The following FKBP6 variants were observed in gnomAD, a reference collection of about 807,000 sequenced individuals.
FKBP6 encodes inactive peptidyl-prolyl cis-trans isomerase FKBP6.
In FKBP6, 29 loss-of-function variants were observed where a neutral mutation model predicts 41.7. The observed-to-expected ratio is 0.70, with a 90% CI of 0.52 to 0.95. The LOEUF is 0.95. Ranked by LOEUF, FKBP6 falls within the 40% of genes least tolerant of loss-of-function variation. The pLI is 0.00. For missense variants in FKBP6, 338 were observed against 408.7 expected (o/e 0.83, Z 1.49); for synonymous variants, 130 against 165.1 (o/e 0.79, Z 1.63).
chr7:73,335,912 C>G (rs1164955730), intron 5 of FKBP6, among the ~76,000 whole-genome samples: 1 of 152,186 alleles, frequency 6.6e-6, no homozygotes, highest in African/African-American at 2.4e-5. Flanking sequence ...AGAGGTTTTG[C>G]ACGTCTTTTC....
intron 5 of FKBP6, chr7:73,337,034 G>A: frequency 5.8e-6 from 2 of 343,506 alleles, no homozygotes; most frequent in Non-Finnish European, 1.1e-5. Flanking sequence ...GATTACTCAT[G>A]GGAATGAGCA....
intron 7 of FKBP6, 24 bp downstream of exon 7, chr7:73,341,406 G>T: frequency 7.4e-7 from 1 of 1,345,184 alleles, no homozygotes. Context: ...GCAGGAGCAT[G>T]AAGAGAGATG....
At chr7:73,332,099 C>T (rs991733320) in intron 5 of FKBP6, among the ~76,000 whole-genome samples, 1 of 152,040 alleles carries the variant, frequency 6.6e-6, no homozygotes, top group Non-Finnish European at 1.5e-5. Flanking sequence ...GTCCTGACCT[C>T]GTGATCTGCC....
rs781809940 is a variant in FKBP6, at chr7:73,342,801, C to T, written c.894-6C>T. ...TCCTCTAACAAGTGTGTATTTCCCTCTCCAGCTGTTACAGGGACTATGTGG... is the reference window on the plus strand; with the variant it reads ...TCCTCTAACAAGTGTGTATTTCCCTTTCCAGCTGTTACAGGGACTATGTGG... On this transcript the variant is annotated splice_polypyrimidine_tract_variant and splice_region_variant and intron_variant, in intron 7 of 8. Transcript: ENST00000252037. The T allele has an allele frequency of 3.7e-6, 6 of 1,605,052 alleles. No individual in the cohort carries two copies. The highest frequency in any genetic ancestry group is 3.4e-6 in the Non-Finnish European group (4 of 1,171,658).
chr7:73,342,177 T>C (rs1429991782), intron 7 of FKBP6, among the ~76,000 whole-genome samples: 2 of 152,290 alleles, frequency 1.3e-5, no homozygotes, highest in East Asian at 1.9e-4. Flanking sequence ...TTTTTCTCAT[T>C]ATAGAAGTTT....
intron 8 of FKBP6, among the ~76,000 whole-genome samples, chr7:73,353,736 T>C (rs948820001): frequency 6.6e-5 from 10 of 151,374 alleles, no homozygotes; most frequent in African/African-American, 2.4e-4. Context: ...CTTTTTTTCT[T>C]CTTTTTTTTT....
chr7:73,355,268 T>C (rs1554551758), intron 8 of FKBP6, among the ~76,000 whole-genome samples: 1 of 152,248 alleles, frequency 6.6e-6, no homozygotes, highest in African/African-American at 2.4e-5. Flanking sequence ...TCTTTGTCGA[T>C]CTCCGGACTT....
chr7:73,355,579 CTTTCT>C (rs1805607336), intron 8 of FKBP6, among the ~76,000 whole-genome samples: 1 of 151,654 alleles, frequency 6.6e-6, no homozygotes, highest in Admixed American at 6.6e-5. Context: ...TAGATCAAAA[CTTTCT>C]TTTTTCACTT....
At chr7:73,353,074 TTCTCCCTCTCTCCCTTTCTGTC>T (rs1406107123) in intron 8 of FKBP6, among the ~76,000 whole-genome samples, 2 of 151,990 alleles carry the variant, frequency 1.3e-5, no homozygotes, top group African/African-American at 4.8e-5. Context: ...CTTCCAATAT[TTCTCCCTCTCTCCCTTTCTGTC>T]TCTCCCTCTC....
At chr7:73,337,297 T>C (rs1439884149) in intron 5 of FKBP6, among the ~76,000 whole-genome samples, 1 of 150,932 alleles carries the variant, frequency 6.6e-6, no homozygotes, top group Admixed American at 6.6e-5. Context: ...TTTTCTCCAG[T>C]TCTTCCATGT....
At chr7:73,354,873 G>A (rs574753406) in intron 8 of FKBP6, among the ~76,000 whole-genome samples, 46 of 152,284 alleles carry the variant, frequency 3.0e-4, no homozygotes, top group Non-Finnish European at 5.3e-4. Flanking sequence ...TGAGGCTGGG[G>A]CTGCGAGGCA....
rs1447156517 is a variant in FKBP6 at position 73,330,492 on chromosome 7, A to C, written c.468+140A>C. On this transcript the variant is annotated intron_variant, in intron 4 of 8. Transcript: ENST00000252037. Reference sequence around the variant, plus strand: ...CGCGGCTCCTGTGCGGTGGCGGCGGAGTTCCTCTGCTTCCTAGTCTGTGTT... The same window carrying C: ...CGCGGCTCCTGTGCGGTGGCGGCGGCGTTCCTCTGCTTCCTAGTCTGTGTT... 13 of 704,010 alleles carry C rather than the reference A, an allele frequency of 1.8e-5. No individual in the cohort carries two copies. In the African/African-American group the frequency reaches 2.1e-4, roughly 11 times the overall value. 43.6% of individuals were successfully genotyped at this position (704,010 alleles called of 1,614,324 possible).
chr7:73,343,434 G>A (rs1805251835), intron 8 of FKBP6, among the ~76,000 whole-genome samples: 1 of 152,088 alleles, frequency 6.6e-6, no homozygotes, highest in Non-Finnish European at 1.5e-5. Context: ...GATAGAGCTG[G>A]GCTTTGACGT....
chr7:73,344,293 C>T (rs1456727612), intron 8 of FKBP6, among the ~76,000 whole-genome samples: 5 of 152,224 alleles, frequency 3.3e-5, no homozygotes, highest in East Asian at 1.9e-4. Flanking sequence ...CAGTTTTCCT[C>T]GCCATCATGT....
Position 73,347,094 on chromosome 7 carries a change from C to T in FKBP6, c.*2+4195C>T, listed in dbSNP as rs557894806. Among the ~76,000 whole-genome samples the T allele has an allele frequency of 1.9e-4, 29 of 152,314 alleles. No homozygotes were observed. In the East Asian group the frequency reaches 4.4e-3, roughly 23 times the overall value. ...ACCACCCACACGGTCAGCTTACCTA[C>T]GCGTGGCTTTCATTCTTTTGCTCTT... On this transcript the variant is annotated intron_variant, in intron 8 of 8. Coordinates refer to ENST00000252037, the MANE Select transcript of FKBP6 (RefSeq NM_003602.5).
chr7:73,344,549 A>C (rs782045317), intron 8 of FKBP6, among the ~76,000 whole-genome samples: 1 of 152,004 alleles, frequency 6.6e-6, no homozygotes, highest in African/African-American at 2.4e-5. Context: ...AAAGAAGCTA[A>C]AAATCCAGTC....
At chr7:73,347,592 A>C (rs2115937605) in intron 8 of FKBP6, among the ~76,000 whole-genome samples, 1 of 152,354 alleles carries the variant, frequency 6.6e-6, no homozygotes, top group East Asian at 1.9e-4. Flanking sequence ...TATAACAAAA[A>C]TAATTCAATA....
Position 73,354,169 on chromosome 7 carries a change from G to A in FKBP6, c.*3-4012G>A, listed in dbSNP as rs148416011. ...CCAAAACCGGGAGGTACCTGCAGGC[G>A]CTCTCATTCCATGTCAGCCTGGAAA... On this transcript the variant is annotated intron_variant, in intron 8 of 8. Transcript: ENST00000252037. Among the ~76,000 whole-genome samples the A allele has an allele frequency of 7.2e-3, 1,090 of 152,266 alleles. 16 individuals carry two copies. Among genetic ancestry groups the A allele is most frequent in the African/African-American group, 0.024 (1,011 of 41,558 alleles).
intron 8 of FKBP6, among the ~76,000 whole-genome samples, chr7:73,354,399 G>A (rs1219747275): frequency 6.6e-6 from 1 of 152,246 alleles, no homozygotes; most frequent in Non-Finnish European, 1.5e-5. Flanking sequence ...CCACAGGTTG[G>A]GTGGGGAGAA....
Sources: gnomAD v4.1 joint callset for allele counts (sites outside exome capture counted in the v4.1 genomes callset) on GRCh38, gnomAD v4.1.1 for gene constraint, MANE v1.5 for transcripts, NCBI Gene and HGNC (gene_info 2026-07-23, HGNC 2026-07-21) for gene names.